FGGY: variants seen among roughly 807,000 people sequenced by gnomAD.
FGGY encodes the protein FGGY carbohydrate kinase domain-containing protein.
In FGGY, 72 loss-of-function variants were observed where a neutral mutation model predicts 71.3. The observed-to-expected ratio is 1.01, with a 90% CI of 0.84 to 1.23. The LOEUF is 1.23. Ranked by LOEUF, FGGY falls within the 50% of genes most tolerant of loss-of-function variation. The pLI, the probability that FGGY is intolerant of heterozygous loss-of-function variation, is 0.00. For synonymous variants in FGGY, 251 were observed against 250.3 expected (o/e 1.00, Z -0.02); for missense variants, 668 against 682.3 (o/e 0.98, Z 0.23).
chr1:59,383,029 A>C (rs1371205591), intron 5 of FGGY, among the ~76,000 whole-genome samples: 1 of 152,164 alleles, frequency 6.6e-6, no homozygotes, highest in Non-Finnish European at 1.5e-5. Context: ...TGATTTTGCC[A>C]CACTAGTTGT....
chr1:59,324,498 G>C (rs971256179), intron 2 of FGGY, among the ~76,000 whole-genome samples: 2 of 151,364 alleles, frequency 1.3e-5, no homozygotes, highest in Non-Finnish European at 1.5e-5. Flanking sequence ...GGATGGTCTC[G>C]ATCTCCTGAC....
intron 7 of FGGY, among the ~76,000 whole-genome samples, chr1:59,540,345 A>G (rs933147419): frequency 6.6e-6 from 1 of 152,256 alleles, no homozygotes; most frequent in African/African-American, 2.4e-5. Context: ...GTTCCCATCA[A>G]TAATAGAATT....
At chr1:59,413,790 G>A (rs1026289701) in intron 5 of FGGY, among the ~76,000 whole-genome samples, 6 of 152,132 alleles carry the variant, frequency 3.9e-5, no homozygotes, top group African/African-American at 9.6e-5. Flanking sequence ...GCAAAACCCC[G>A]TCTCTACAAA....
chr1:59,497,438 A>C (rs576459051), intron 6 of FGGY, among the ~76,000 whole-genome samples: 2 of 152,276 alleles, frequency 1.3e-5, no homozygotes, highest in East Asian at 3.9e-4. Flanking sequence ...AAATACAAAA[A>C]TTAGCCAGGC....
chr1:59,761,329 G>A (rs1333824664), intron 15 of FGGY, among the ~76,000 whole-genome samples: 2 of 152,014 alleles, frequency 1.3e-5, no homozygotes, highest in African/African-American at 4.8e-5. Flanking sequence ...ATTGGGTAGG[G>A]GACTCCTACT....
rs556456733 is a variant in FGGY at position 59,580,741 on chromosome 1, T to C, written c.903+26514T>C. 2.0e-5 allele frequency among the ~76,000 whole-genome samples: 3 copies of C among 152,302 alleles called. No homozygotes were observed. The South Asian group carries it at 6.2e-4, about 32-fold the overall frequency. On this transcript the variant is annotated intron_variant, in intron 8 of 15. Transcript: ENST00000303721. ...TTTTCAATCCCTCTATTCTACCGCA[T>C]GTATTTTCATTTCTCCTTCTTTTTC...
In FGGY at chr1:59,418,039, C is replaced by T. The variant is rs1187421532; in HGVS notation, c.555-38922C>T. Among the ~76,000 whole-genome samples, 5 of 152,130 alleles carry T rather than the reference C, an allele frequency of 3.3e-5. No homozygotes were observed. The East Asian group carries it at 7.7e-4, about 23-fold the overall frequency. On this transcript the variant is annotated intron_variant, in intron 5 of 15. Transcript: ENST00000303721. ...TCACTTATAGCTGGGCATATGACTTCTCTAAATAAAATTGAGGTTTTGTTA... is the reference window on the plus strand; with the variant it reads ...TCACTTATAGCTGGGCATATGACTTTTCTAAATAAAATTGAGGTTTTGTTA...
At chr1:59,470,062 A>G (rs2092861003) in intron 6 of FGGY, among the ~76,000 whole-genome samples, 1 of 152,152 alleles carries the variant, frequency 6.6e-6, no homozygotes, top group East Asian at 1.9e-4. Flanking sequence ...GTGAACATAC[A>G]TGTACATGTG....
chr1:59,568,464 C>CGGGG (rs56724590), intron 8 of FGGY, among the ~76,000 whole-genome samples: 28 of 59,426 alleles, frequency 4.7e-4, no homozygotes, highest in African/African-American at 1.1e-3. Context: ...GTCGGGGGGG[C>CGGGG]GGGGGGGGGT....
chr1:59,566,322 A>G (rs918934601), intron 8 of FGGY, among the ~76,000 whole-genome samples: 2 of 152,100 alleles, frequency 1.3e-5, no homozygotes, highest in Non-Finnish European at 2.9e-5. Flanking sequence ...TTTAGTATTT[A>G]TGCCTTGTTT....
intron 4 of FGGY, among the ~76,000 whole-genome samples, chr1:59,372,374 C>G (rs2057821355): frequency 6.6e-6 from 1 of 152,182 alleles, no homozygotes; most frequent in Non-Finnish European, 1.5e-5. Context: ...AGTTGAATCT[C>G]TGAATAGACT....
intron 7 of FGGY, among the ~76,000 whole-genome samples, chr1:59,518,635 C>T (rs1289236044): frequency 1.3e-5 from 2 of 152,136 alleles, no homozygotes; most frequent in Non-Finnish European, 2.9e-5. Flanking sequence ...CATGAGTTCC[C>T]TTCAGATCTG....
intron 1 of FGGY, among the ~76,000 whole-genome samples, chr1:59,299,870 T>G (rs2042493952): frequency 6.6e-6 from 1 of 151,984 alleles, no homozygotes; most frequent in Non-Finnish European, 1.5e-5. Context: ...GAAATCGGAA[T>G]GAGTCAGGGT....
At chr1:59,386,873 A>G (rs1271058280) in intron 5 of FGGY, among the ~76,000 whole-genome samples, 1 of 152,020 alleles carries the variant, frequency 6.6e-6, no homozygotes, top group African/African-American at 2.4e-5. Flanking sequence ...TATTTCTTAT[A>G]TTTCTTTATA....
chr1:59,476,858 G>A (rs1009582468), intron 6 of FGGY, among the ~76,000 whole-genome samples: 1 of 152,222 alleles, frequency 6.6e-6, no homozygotes, highest in East Asian at 1.9e-4. Context: ...CTTTGAAAAA[G>A]CACAGGGAGA....
chr1:59,759,594 A>C (rs1294966826), intron 15 of FGGY, among the ~76,000 whole-genome samples: 1 of 152,228 alleles, frequency 6.6e-6, no homozygotes, highest in Non-Finnish European at 1.5e-5. Context: ...GGCAGCTGGC[A>C]GCTGTTCTCT....
At chr1:59,715,469 A>G (rs915788681) in intron 14 of FGGY, among the ~76,000 whole-genome samples, 4 of 152,188 alleles carry the variant, frequency 2.6e-5, no homozygotes, top group African/African-American at 9.7e-5. Context: ...TCAAGTCCCG[A>G]AACACTTGGT....
At chr1:59,551,520 C>G (rs1006925648) in intron 7 of FGGY, among the ~76,000 whole-genome samples, 1 of 152,112 alleles carries the variant, frequency 6.6e-6, no homozygotes, top group Non-Finnish European at 1.5e-5. Context: ...CCTTTTCTGT[C>G]AAGGATCTCA....
At chr1:59,459,406 A>G (rs2091986331) in intron 6 of FGGY, among the ~76,000 whole-genome samples, 1 of 152,190 alleles carries the variant, frequency 6.6e-6, no homozygotes, top group Non-Finnish European at 1.5e-5. Flanking sequence ...CAAAGTAAGG[A>G]AAAATAGTTT....
Sources: gnomAD v4.1 joint callset for allele counts (sites outside exome capture counted in the v4.1 genomes callset) on GRCh38, gnomAD v4.1.1 for gene constraint, MANE v1.5 for transcripts, NCBI Gene and HGNC (gene_info 2026-07-23, HGNC 2026-07-21) for gene names.